The following TNFRSF10A variants were observed in gnomAD, a reference collection of about 807,000 sequenced individuals.
TNFRSF10A encodes the protein tumor necrosis factor receptor superfamily member 10A.
In TNFRSF10A, 44 loss-of-function variants were observed where a neutral mutation model predicts 42.8. The observed-to-expected ratio is 1.03, with a 90% confidence interval of 0.81 to 1.32. The LOEUF is 1.32. Ranked by LOEUF, TNFRSF10A falls within the 40% of genes most tolerant of loss-of-function variation. The pLI is 0.00. For missense variants in TNFRSF10A, 680 were observed against 602.0 expected (o/e 1.13, Z -1.36); for synonymous variants, 259 against 234.2 (o/e 1.11, Z -0.97).
chr8:23,224,920 G>A lies in TNFRSF10A; in HGVS notation c.142C>T (p.Arg48Ter), dbSNP rs777061458. The A allele has an allele frequency of 5.6e-6, 9 of 1,598,968 alleles. No homozygotes were observed. The South Asian group carries it at 9.0e-5, about 16-fold the overall frequency. Reference protein sequence around the residue: ...WGSSAGRIEPRGGGRGALPTS... With the variant: ...WGSSAGRIEP The stretch of plus-strand genomic sequence containing the variant: ...GGGAGCGCTCCTCGGCCCCCGCCTC[G>A]TGGTTCAATCCTCCCCGCGGAAGAG... The change falls in exon 1 of 10, where the codon CGA becomes TGA. Residue 48 changes from arginine (R) to a stop codon, truncating the protein, a stop_gained. Transcript: ENST00000221132. LOFTEE classifies it high-confidence loss of function.
chr8:23,208,438 A>G (rs748974570), intron 2 of TNFRSF10A, among the ~76,000 whole-genome samples: 34 of 152,050 alleles, frequency 2.2e-4, no homozygotes, highest in Admixed American at 6.6e-5. Context: ...GTCCTGGTAT[A>G]TAATTCTTTT....
intron 2 of TNFRSF10A, among the ~76,000 whole-genome samples, chr8:23,209,103 G>A (rs991429172): frequency 3.3e-5 from 5 of 152,204 alleles, no homozygotes; most frequent in African/African-American, 4.8e-5. Flanking sequence ...TACAGCTTGG[G>A]CTGTTGCTTC....
intron 1 of TNFRSF10A, among the ~76,000 whole-genome samples, chr8:23,218,667 G>A (rs4872088): frequency 0.23 from 34,368 of 151,950 alleles, 4,125 homozygotes; most frequent in South Asian, 0.37. Flanking sequence ...GTGACCCAGC[G>A]CTGGGTGAAT....
chr8:23,208,351 G>A lies in TNFRSF10A; in HGVS notation c.403+3765C>T, dbSNP rs1388308809. On this transcript the variant is annotated intron_variant, in intron 2 of 9. Coordinates refer to ENST00000221132, the MANE Select transcript of TNFRSF10A (RefSeq NM_003844.4). ...AAGGGGTGACTTGAGTGCTGTAAAA[G>A]GCATTCAGTTTTTTTGTTTATTTGT... Among the ~76,000 whole-genome samples the A allele has an allele frequency of 8.5e-5, 13 of 152,286 alleles. No homozygotes were observed. The East Asian group carries it at 2.3e-3, about 27-fold the overall frequency.
intron 6 of TNFRSF10A, 26 bp from the exon 7 acceptor site, chr8:23,199,943 T>C: frequency 6.2e-7 from 1 of 1,607,312 alleles, no homozygotes; most frequent in Middle Eastern, 1.7e-4. Flanking sequence ...GTTCCCTTAG[T>C]GGCCAGGGAG....
chr8:23,201,099 C>T (rs1332570792), intron 4 of TNFRSF10A, among the ~76,000 whole-genome samples: 1 of 152,218 alleles, frequency 6.6e-6, no homozygotes, highest in Non-Finnish European at 1.5e-5. Flanking sequence ...CGTGTGGCCA[C>T]AAGCTGAGCC....
chr8:23,200,847 T>A (rs150131194), intron 4 of TNFRSF10A, 87 bp from the exon 5 acceptor site: 9 of 1,269,482 alleles, frequency 7.1e-6, no homozygotes, highest in African/African-American at 2.9e-5. Flanking sequence ...CCCTGCCCAA[T>A]GTCCCTGAGA....
chr8:23,217,057 A>G (rs868047422), intron 1 of TNFRSF10A, among the ~76,000 whole-genome samples: 1 of 152,204 alleles, frequency 6.6e-6, no homozygotes, highest in Admixed American at 6.5e-5. Context: ...GACAATGTTC[A>G]GATCTGTTAT....
At chr8:23,204,477 G>A (rs979231927) in intron 2 of TNFRSF10A, among the ~76,000 whole-genome samples, 1 of 152,118 alleles carries the variant, frequency 6.6e-6, no homozygotes, top group Non-Finnish European at 1.5e-5. Context: ...TTAACCTATA[G>A]GAATTCATAC....
rs776864330 is a variant in TNFRSF10A at position 23,200,725 on chromosome 8, G to C, written c.665C>G (p.Thr222Arg). Residue 222 changes from threonine (T) to arginine (R), a missense_variant, in exon 5 of 10, where the codon ACG becomes AGG. By Grantham distance (71) the Thr-to-Arg change is moderately conservative (BLOSUM62 -1). Transcript: ENST00000221132. Reference protein sequence around the residue: ...PRGMVKVKDCTPWSDIECVHK... With the variant: ...PRGMVKVKDCRPWSDIECVHK... ...GACACACTCGATGTCACTCCAGGGC[G>C]TACAATCCTTGACCTTGACCATCCC... 1 of 1,464,678 alleles carries C rather than the reference G, an allele frequency of 6.8e-7. No homozygotes were observed. The highest frequency in any genetic ancestry group is 1.8e-5 in the Admixed American group (1 of 54,896). 90.7% of individuals were successfully genotyped at this position (1,464,678 alleles called of 1,614,324 possible).
chr8:23,201,839 A>T lies in TNFRSF10A; in HGVS notation c.598T>A (p.Ser200Thr), dbSNP rs756213970. 1 of 1,614,060 alleles carries T rather than the reference A, an allele frequency of 6.2e-7. No homozygotes were observed. The highest frequency in any genetic ancestry group is 1.7e-5 in the Admixed American group (1 of 59,998). The part of the protein sequence containing the change: ...CKPGTFRNDN[S>T]AEMCRKCSRG... ...CTGCACTTCCGGCACATCTCAGCAG[A>T]ATTGTCATTCCGGAAAGTTCCTGGT... The change falls in exon 4 of 10, where the codon TCT becomes ACT. Residue 200 changes from serine to threonine, a missense_variant. Transcript: ENST00000221132.
rs956662100 is a variant in TNFRSF10A at position 23,192,137 on chromosome 8, C to G, written c.1088-124G>C. The stretch of plus-strand genomic sequence containing the variant: ...TGGAGAGCCCCCTGCATGGGCAAAC[C>G]TGTTGCTCCATTGCCCACCCACCTC... On this transcript the variant is annotated intron_variant, in intron 9 of 9. Coordinates refer to ENST00000221132, the MANE Select transcript of TNFRSF10A (RefSeq NM_003844.4). The G allele has an allele frequency of 1.2e-5, 18 of 1,462,184 alleles. No individual in the cohort carries two copies. In the African/African-American group the frequency reaches 2.3e-4, roughly 18 times the overall value. 90.6% of individuals were successfully genotyped at this position (1,462,184 alleles called of 1,614,324 possible). A position where few individuals can be genotyped will look rare whatever the true frequency, so the allele number is the denominator to read the frequency against.
At chr8:23,202,228 A>T (rs1800940743) in intron 3 of TNFRSF10A, among the ~76,000 whole-genome samples, 1 of 152,232 alleles carries the variant, frequency 6.6e-6, no homozygotes, top group South Asian at 2.1e-4. Flanking sequence ...GTCTGCAAGA[A>T]GAGGAGCCCT....
rs531632971 is a variant in TNFRSF10A at position 23,224,478 on chromosome 8, G to C, written c.306+278C>G. The stretch of plus-strand genomic sequence containing the variant: ...AACTTCCCGATACATCGTGAGGTGT[G>C]GGCAGGAGGGAGACGCGCCAGGCAG... On this transcript the variant is annotated intron_variant, in intron 1 of 9. Coordinates refer to ENST00000221132, the MANE Select transcript of TNFRSF10A (RefSeq NM_003844.4). 26 of 501,350 alleles carry C rather than the reference G, an allele frequency of 5.2e-5. No individual in the cohort carries two copies. The African/African-American group carries it at 5.3e-4, about 10-fold the overall frequency. The allele number at this position is 501,350 out of a possible 1,614,324, so 31.1% of individuals were successfully genotyped here. A position where few individuals can be genotyped will look rare whatever the true frequency, so the allele number is the denominator to read the frequency against.
rs200946083 is a variant in TNFRSF10A at position 23,199,932 on chromosome 8, G to T, written c.800-15C>A. 4 of 1,614,028 alleles carry T rather than the reference G, an allele frequency of 2.5e-6. No individual in the cohort carries two copies. In the South Asian group the frequency reaches 4.4e-5, roughly 18 times the overall value. Reference sequence around the variant, plus strand: ...CCCTCCACAACCTAGAAGAGAAGACGGTTCCCTTAGTGGCCAGGGAGGGGC... The same window carrying T: ...CCCTCCACAACCTAGAAGAGAAGACTGTTCCCTTAGTGGCCAGGGAGGGGC... On this transcript the variant is annotated splice_polypyrimidine_tract_variant and intron_variant, in intron 6 of 9. Transcript: ENST00000221132.
chr8:23,191,797 A>C lies in TNFRSF10A; in HGVS notation c.1304T>G (p.Met435Arg). The C allele has an allele frequency of 6.2e-7, 1 of 1,614,040 alleles. No homozygotes were observed. Among genetic ancestry groups the C allele is most frequent in the Non-Finnish European group, 8.5e-7 (1 of 1,179,998 alleles). Residue 435 changes from methionine to arginine, a missense_variant, in exon 10 of 10, where the codon ATG becomes AGG. Met to Arg is a moderately conservative substitution (Grantham distance 91, BLOSUM62 -1). Transcript: ENST00000221132. ...CTTCTCTCTTGCATGTCTCTCTTCCATCCTCTCCAAGGCATCCAGCAGGGT... is the reference window on the plus strand; with the variant it reads ...CTTCTCTCTTGCATGTCTCTCTTCCCTCCTCTCCAAGGCATCCAGCAGGGT... ...IHTLLDALER[M>R]EERHAREKIQ...
chr8:23,201,960 A>G lies in TNFRSF10A; in HGVS notation c.518-41T>C, dbSNP rs150887466. 9,266 of 1,585,314 alleles carry G rather than the reference A, an allele frequency of 5.8e-3. 119 individuals are homozygous for G. The highest frequency in any genetic ancestry group is 0.048 in the African/African-American group (3,554 of 74,440). ...AAGGTTTTGGGAATGTGTTTCCCTG[A>G]CGTGTCCCTTGACCTTTCCTCACCA... is the stretch of plus-strand genomic sequence containing the variant. On this transcript the variant is annotated intron_variant, in intron 3 of 9. Coordinates refer to ENST00000221132, the MANE Select transcript of TNFRSF10A (RefSeq NM_003844.4).
In TNFRSF10A at chr8:23,196,255, G is replaced by A. The variant is rs576115856; in HGVS notation, c.1087+877C>T. On this transcript the variant is annotated intron_variant, in intron 9 of 9. Transcript: ENST00000221132. ...GTCACCCAGGCTGGAGTGCAGTAGC[G>A]CTATCTTGGCTCACTGCAAGCTCTG... Among the ~76,000 whole-genome samples, 609 of 152,068 alleles carry A rather than the reference G, an allele frequency of 4.0e-3. 2 individuals carry two copies. The highest frequency in any genetic ancestry group is 0.013 in the African/African-American group (539 of 41,450).
At chr8:23,208,487 T>G (rs4604437) in intron 2 of TNFRSF10A, among the ~76,000 whole-genome samples, 9 of 151,620 alleles carry the variant, frequency 5.9e-5, no homozygotes, top group African/African-American at 2.2e-4. Context: ...GACAGAGTCT[T>G]GCTCTGTTGC....
Sources: gnomAD v4.1 joint callset for allele counts (sites outside exome capture counted in the v4.1 genomes callset) on GRCh38, gnomAD v4.1.1 for gene constraint, MANE v1.5 for transcripts, NCBI Gene and HGNC (gene_info 2026-07-23, HGNC 2026-07-21) for gene names.